HAUS2: variants seen among roughly 807,000 people sequenced by gnomAD.
HAUS2 encodes HAUS augmin like complex subunit 2.
Under a neutral mutation model 21.6 loss-of-function variants are expected in HAUS2, and 20 were observed. The ratio of observed to expected loss-of-function variants is 0.93; its 90% confidence interval spans 0.65 to 1.35. The LOEUF is 1.35. Ranked by LOEUF, HAUS2 falls within the 40% of genes most tolerant of loss-of-function variation. The pLI, the probability that HAUS2 is intolerant of heterozygous loss-of-function variation, is 0.00. For missense variants in HAUS2, 297 were observed against 280.7 expected (o/e 1.06, Z -0.42); for synonymous variants, 113 against 95.6 (o/e 1.18, Z -1.06).
At chr15:42,559,869 G>T (rs1186889069) in intron 3 of HAUS2, among the ~76,000 whole-genome samples, 2 of 152,088 alleles carry the variant, frequency 1.3e-5, no homozygotes, top group African/African-American at 4.8e-5. Context: ...ATGAGAAAAT[G>T]TTCTTGTGGC....
Position 42,566,783 on chromosome 15 carries a change from TA to T in HAUS2, c.678del (p.Val227PhefsTer29). 1 of 1,542,158 alleles carries T rather than the reference TA, an allele frequency of 6.5e-7. No individual in the cohort carries two copies. Among genetic ancestry groups the T allele is most frequent in the Non-Finnish European group, 9.0e-7 (1 of 1,114,814 alleles). On this transcript the variant is annotated frameshift_variant, in exon 6 of 6. Transcript: ENST00000260372. LOFTEE classifies it high-confidence loss of function. ...IIMPPLPFTS[K>X]VHVQTINAK ...TAATGCCTCCTTTACCTTTTACTTCTAAAGTTCATGTCCAAACTATTAATGC... is the reference window on the plus strand; with the variant it reads ...TAATGCCTCCTTTACCTTTTACTTCTAAGTTCATGTCCAAACTATTAATGC...
intron 3 of HAUS2, among the ~76,000 whole-genome samples, chr15:42,560,557 A>C (rs1438116215): frequency 6.6e-6 from 1 of 152,168 alleles, no homozygotes; most frequent in African/African-American, 2.4e-5. Flanking sequence ...AAGAAAGGTC[A>C]ATTGGCAGCC....
At chr15:42,551,867 C>A (rs1031866908) in intron 1 of HAUS2, among the ~76,000 whole-genome samples, 15 of 152,086 alleles carry the variant, frequency 9.9e-5, no homozygotes, top group African/African-American at 3.4e-4. Context: ...ATGTCCCACT[C>A]CATAGCTCCT....
intron 1 of HAUS2, among the ~76,000 whole-genome samples, chr15:42,553,978 C>A (rs941465695): frequency 6.6e-6 from 1 of 152,194 alleles, no homozygotes; most frequent in Non-Finnish European, 1.5e-5. Flanking sequence ...CTCAATTTTG[C>A]CATCAGTAAA....
chr15:42,561,254 T>C lies in HAUS2; in HGVS notation c.257-16T>C, dbSNP rs757077566. ...TCCTATTGCTAACTATAATTACTGT[T>C]TTTTAATTTGTATAGCTCAGAAGTG... On this transcript the variant is annotated splice_polypyrimidine_tract_variant and intron_variant, in intron 3 of 5. Coordinates refer to ENST00000260372, the MANE Select transcript of HAUS2 (RefSeq NM_018097.3). 7.4e-6 allele frequency: 11 copies of C among 1,492,190 alleles called. No homozygotes were observed. In the South Asian group the frequency reaches 1.1e-4, roughly 15 times the overall value. 92.4% of individuals were successfully genotyped at this position (1,492,190 alleles called of 1,614,324 possible).
Position 42,563,815 on chromosome 15 carries a change from A to T in HAUS2, c.456A>T (p.Thr152=). 1 of 1,568,388 alleles carries T rather than the reference A, an allele frequency of 6.4e-7. No individual in the cohort carries two copies. The highest frequency in any genetic ancestry group is 8.7e-7 in the Non-Finnish European group (1 of 1,144,410). The stretch of plus-strand genomic sequence containing the variant: ...AGAGATTAGAAACCCACCTTGAAAC[A>T]ATTAGAAATATTCCTCATTTAGCTG... ...FIERLETHLE[T]IRNIPHLAAN... The change falls in exon 5 of 6, where the codon ACA becomes ACT. Residue 152 remains threonine, a synonymous_variant. Transcript: ENST00000260372.
At chr15:42,565,656 G>A (rs1037863747) in intron 5 of HAUS2, among the ~76,000 whole-genome samples, 5 of 152,098 alleles carry the variant, frequency 3.3e-5, no homozygotes, top group African/African-American at 1.2e-4. Flanking sequence ...GGTGATTCCT[G>A]TGCACATTAA....
At chr15:42,551,965 G>T (rs970505887) in intron 1 of HAUS2, among the ~76,000 whole-genome samples, 2 of 152,042 alleles carry the variant, frequency 1.3e-5, no homozygotes, top group African/African-American at 4.8e-5. Flanking sequence ...AGACTTGTAG[G>T]TTGGTTTTAC....
At position 42,548,851 on chromosome 15, in the gene HAUS2, T is replaced by A; in HGVS notation, c.-22T>A. 6.5e-7 allele frequency: 1 copy of A among 1,537,774 alleles called. No individual in the cohort carries two copies. The highest frequency in any genetic ancestry group is 8.8e-7 in the Non-Finnish European group (1 of 1,137,408). On this transcript the variant is annotated 5_prime_UTR_variant, in exon 1 of 6. Coordinates refer to ENST00000260372, the MANE Select transcript of HAUS2 (RefSeq NM_018097.3). Reference sequence around the variant, plus strand: ...GCGATCCCGCTCACTCTTGGCGCCTTCGCGGAAGGTGCGTCCGAGCCATGG... The same window carrying A: ...GCGATCCCGCTCACTCTTGGCGCCTACGCGGAAGGTGCGTCCGAGCCATGG...
At chr15:42,556,168 G>A (rs2057772249) in intron 1 of HAUS2, among the ~76,000 whole-genome samples, 1 of 147,700 alleles carries the variant, frequency 6.8e-6, no homozygotes, top group African/African-American at 2.5e-5. Context: ...CACCATGTTG[G>A]CCAGGCTGGT....
intron 4 of HAUS2, among the ~76,000 whole-genome samples, chr15:42,563,410 C>CAAAAAAAAAAAAAAAAAA (rs745358598): frequency 1.7e-5 from 1 of 59,346 alleles, no homozygotes; most frequent in African/African-American, 6.2e-5. Context: ...GACTCCATCT[C>CAAAAAAAAAAAAAAAAAA]AAAAAAAAAA....
intron 5 of HAUS2, 78 bp downstream of exon 5, chr15:42,563,935 T>C (rs2141605423): frequency 1.4e-6 from 1 of 740,280 alleles, no homozygotes; most frequent in Non-Finnish European, 2.4e-6. Context: ...AGCTTTTTAA[T>C]AGCTAATATT....
At position 42,568,108 on chromosome 15, in the gene HAUS2, T is replaced by C. The variant is rs1196799539; in HGVS notation, c.*1292T>C. 3 of 152,154 alleles carry C rather than the reference T, an allele frequency of 2.0e-5. No individual in the cohort carries two copies. Among genetic ancestry groups the C allele is most frequent in the African/African-American group, 4.8e-5 (2 of 41,442 alleles). The allele number at this position is 152,154 out of a possible 1,614,324, so 9.4% of individuals were successfully genotyped here. On this transcript the variant is annotated 3_prime_UTR_variant, in exon 6 of 6. Coordinates refer to ENST00000260372, the MANE Select transcript of HAUS2 (RefSeq NM_018097.3). ...TTATTCCTGTGGGAATGTCACTAAG[T>C]ATGCAGAAAAGAGTAACACAGCCAG...
intron 4 of HAUS2, 148 bp downstream of exon 4, chr15:42,561,550 A>G (rs1298448328): frequency 1.7e-6 from 1 of 584,032 alleles, no homozygotes; most frequent in Non-Finnish European, 3.0e-6. Context: ...CAGAAAGAAA[A>G]TCTTTGCTTT....
intron 5 of HAUS2, among the ~76,000 whole-genome samples, chr15:42,565,914 G>GTT (rs1253300618): frequency 6.6e-6 from 1 of 152,124 alleles, no homozygotes; most frequent in African/African-American, 2.4e-5. Context: ...AAAGAAGTTA[G>GTT]TAAGTGGGCT....
chr15:42,562,159 A>G (rs1427151205), intron 4 of HAUS2, among the ~76,000 whole-genome samples: 2 of 152,214 alleles, frequency 1.3e-5, no homozygotes, highest in East Asian at 3.8e-4. Context: ...CCTGTCTCAA[A>G]TAAATACGAA....
chr15:42,565,332 A>T (rs1273316116), intron 5 of HAUS2, among the ~76,000 whole-genome samples: 1 of 152,060 alleles, frequency 6.6e-6, no homozygotes, highest in African/African-American at 2.4e-5. Context: ...GCAGTGCCTT[A>T]AAAACCAGAC....
chr15:42,554,495 AT>A lies in HAUS2; in HGVS notation c.94-3690del, dbSNP rs547828431. 3.3e-3 allele frequency among the ~76,000 whole-genome samples: 451 copies of A among 137,704 alleles called. 1 individual carries two copies. Among genetic ancestry groups the A allele is most frequent in the Admixed American group, 3.4e-3 (46 of 13,728 alleles). The allele number at this position is 137,704 out of a possible 152,430, so 90.3% of individuals were successfully genotyped here. ...TTTATTTTGTTTGTTTTGTAGGTGT[AT>A]TTTTTTTTTTTTAAGAGAGAGTCTC... On this transcript the variant is annotated intron_variant, in intron 1 of 5. Transcript: ENST00000260372.
Position 42,568,983 on chromosome 15 carries a change from T to C in HAUS2, c.*2167T>C, listed in dbSNP as rs1167327124. ...AAATCATGGAACCTGGAGGTAGTCTTGGAGACCCTGGCATACAAAGCAGTT... is the reference window on the plus strand; with the variant it reads ...AAATCATGGAACCTGGAGGTAGTCTCGGAGACCCTGGCATACAAAGCAGTT... On this transcript the variant is annotated 3_prime_UTR_variant, in exon 6 of 6. Transcript: ENST00000260372. 2 of 152,190 alleles carry C rather than the reference T, an allele frequency of 1.3e-5. No individual in the cohort carries two copies. The highest frequency in any genetic ancestry group is 2.9e-5 in the Non-Finnish European group (2 of 68,036). 9.4% of individuals were successfully genotyped at this position (152,190 alleles called of 1,614,324 possible).
Sources: gnomAD v4.1 joint callset for allele counts (sites outside exome capture counted in the v4.1 genomes callset) on GRCh38, gnomAD v4.1.1 for gene constraint, MANE v1.5 for transcripts, NCBI Gene and HGNC (gene_info 2026-07-23, HGNC 2026-07-21) for gene names.